Variants in PCBP3 observed in about 807,000 individuals in gnomAD.
The protein encoded by PCBP3 is poly(rC) binding protein 3, also known as poly(rC)-binding protein 3.
In PCBP3, 25 loss-of-function variants were observed where a neutral mutation model predicts 52.7. The observed-to-expected ratio is 0.47, with a 90% CI of 0.35 to 0.66. The LOEUF (loss-of-function observed/expected upper bound fraction) is 0.66. Among genes scored for constraint, PCBP3 ranks in the 30% least tolerant of loss-of-function variants. The probability of loss-of-function intolerance (pLI) is 0.01; values close to 1 mark genes in which losing one functional copy is unlikely to be tolerated. For missense variants in PCBP3, 391 were observed against 490.3 expected (o/e 0.80, Z 1.91); for synonymous variants, 162 against 183.0 (o/e 0.89, Z 0.93).
intron 13 of PCBP3, among the ~76,000 whole-genome samples, chr21:45,925,958 C>T (rs1228047615): frequency 6.6e-6 from 1 of 152,222 alleles, no homozygotes; most frequent in African/African-American, 2.4e-5. Flanking sequence ...ACGTGATTGC[C>T]GTACCTCGAA....
intron 4 of PCBP3, among the ~76,000 whole-genome samples, chr21:45,775,577 T>G (rs184862815): frequency 1.2e-3 from 182 of 152,236 alleles, no homozygotes; most frequent in Admixed American, 2.3e-3. Context: ...CCACCACTCC[T>G]GGCTAACTTT....
At chr21:45,706,365 T>C (rs563447549) in intron 2 of PCBP3, among the ~76,000 whole-genome samples, 1 of 152,286 alleles carries the variant, frequency 6.6e-6, no homozygotes, top group Non-Finnish European at 1.5e-5. Context: ...TGGCTGACGT[T>C]ACAGTATGCA....
intron 3 of PCBP3, among the ~76,000 whole-genome samples, chr21:45,747,385 A>C (rs2086996562): frequency 6.6e-6 from 1 of 152,210 alleles, no homozygotes. Flanking sequence ...TGCAAAGCCC[A>C]CCGGGCATCC....
chr21:45,681,619 G>T (rs917508893), intron 2 of PCBP3, among the ~76,000 whole-genome samples: 1 of 152,176 alleles, frequency 6.6e-6, no homozygotes, highest in South Asian at 2.1e-4. Flanking sequence ...CTGAACCATT[G>T]TAAGTCAGGG....
At chr21:45,807,290 C>T (rs1013161619) in intron 4 of PCBP3, among the ~76,000 whole-genome samples, 6 of 152,166 alleles carry the variant, frequency 3.9e-5, no homozygotes, top group African/African-American at 1.4e-4. Context: ...TAGAAAACCC[C>T]ATTATCTCAG....
At chr21:45,728,524 T>C (rs1273180619) in intron 2 of PCBP3, among the ~76,000 whole-genome samples, 2 of 152,366 alleles carry the variant, frequency 1.3e-5, no homozygotes, top group Non-Finnish European at 2.9e-5. Flanking sequence ...TGAGGAATAT[T>C]GATGTCTTTT....
chr21:45,720,931 G>A (rs2084586074), intron 2 of PCBP3, among the ~76,000 whole-genome samples: 1 of 152,256 alleles, frequency 6.6e-6, no homozygotes, highest in Non-Finnish European at 1.5e-5. Flanking sequence ...TCCAATGCCA[G>A]GATGGCCATA....
At chr21:45,820,351 C>T (rs2093095523) in intron 4 of PCBP3, among the ~76,000 whole-genome samples, 1 of 152,242 alleles carries the variant, frequency 6.6e-6, no homozygotes, top group African/African-American at 2.4e-5. Context: ...TATCTCGTCG[C>T]TTTGCTGTCT....
intron 2 of PCBP3, among the ~76,000 whole-genome samples, chr21:45,734,512 C>T (rs922539733): frequency 2.0e-5 from 3 of 152,158 alleles, no homozygotes; most frequent in Admixed American, 6.5e-5. Flanking sequence ...GCTGCAGGCC[C>T]AGCCCACCGA....
chr21:45,917,624 C>T lies in PCBP3; in HGVS notation c.712C>T (p.Pro238Ser), dbSNP rs1187944795. 2 of 1,612,346 alleles carry T rather than the reference C, an allele frequency of 1.2e-6. No homozygotes were observed. Among genetic ancestry groups the T allele is most frequent in the African/African-American group, 1.3e-5 (1 of 74,984 alleles). Residue 238 changes from proline to serine, a missense_variant, in exon 13 of 18, where the codon CCG (proline) becomes TCG (serine). Transcript: ENST00000681687. The surrounding 1 kb of genome is among the most constrained non-coding windows in gnomAD (Gnocchi z 5.3). ...CCAGGGACAGTATGCCATCCCTCAC[C>T]CGGATGTGAGTCTTCACTTTGTCTT... ...TIQGQYAIPHPDQLTKLHQLA... is the reference protein window; with the variant it reads ...TIQGQYAIPHSDQLTKLHQLA...
intron 3 of PCBP3, among the ~76,000 whole-genome samples, chr21:45,755,125 C>T (rs923564551): frequency 6.6e-6 from 1 of 152,164 alleles, no homozygotes; most frequent in Non-Finnish European, 1.5e-5. Context: ...CCTCATGACC[C>T]TTCTGAAGCC....
At chr21:45,856,094 G>A (rs954729857) in intron 5 of PCBP3, among the ~76,000 whole-genome samples, 12 of 152,098 alleles carry the variant, frequency 7.9e-5, no homozygotes, top group South Asian at 4.1e-4. Context: ...CTTTTATGGG[G>A]GAAAGTTTGC....
chr21:45,900,699 C>T (rs540126923), intron 8 of PCBP3, 76 bp downstream of exon 8: 15 of 1,081,610 alleles, frequency 1.4e-5, no homozygotes, highest in Admixed American at 5.1e-5. Flanking sequence ...CTGCCCCTGC[C>T]GACGTCCTGC....
At chr21:45,854,435 T>C (rs962350522) in intron 5 of PCBP3, among the ~76,000 whole-genome samples, 3 of 152,148 alleles carry the variant, frequency 2.0e-5, no homozygotes, top group African/African-American at 7.2e-5. Context: ...CCCCAGCCTC[T>C]GGCACCCAGG....
chr21:45,796,093 A>T (rs2091908674), intron 4 of PCBP3, among the ~76,000 whole-genome samples: 1 of 152,204 alleles, frequency 6.6e-6, no homozygotes, highest in African/African-American at 2.4e-5. Context: ...CCACCTGACG[A>T]TCCCCTCTGC....
chr21:45,939,361 G>A (rs1488487296), intron 16 of PCBP3, among the ~76,000 whole-genome samples: 3 of 152,290 alleles, frequency 2.0e-5, no homozygotes, highest in South Asian at 2.1e-4. Flanking sequence ...CATAGGCCCC[G>A]CCCTCCTCCC....
intron 3 of PCBP3, among the ~76,000 whole-genome samples, chr21:45,745,915 G>A (rs111653234): frequency 0.012 from 1,757 of 151,694 alleles, 51 homozygotes; most frequent in African/African-American, 0.039. Context: ...TGTCAGCATC[G>A]CTGTGTCAGT....
intron 2 of PCBP3, among the ~76,000 whole-genome samples, chr21:45,685,751 C>T (rs1199867113): frequency 6.6e-6 from 1 of 152,084 alleles, no homozygotes; most frequent in Non-Finnish European, 1.5e-5. Context: ...AGAGGAGATA[C>T]ATGGAAAGAC....
rs150126397 is a variant in PCBP3, at chr21:45,896,403, C to T, written c.165+41C>T. Reference sequence around the variant, plus strand: ...ATTGTCTCTGTAGGAAAGGCGGCCGCGGCAGACAGAACCAGAGATGCACTG... The same window carrying T: ...ATTGTCTCTGTAGGAAAGGCGGCCGTGGCAGACAGAACCAGAGATGCACTG... On this transcript the variant is annotated intron_variant, in intron 6 of 17. Transcript: ENST00000681687. 6.0e-4 allele frequency: 927 copies of T among 1,539,130 alleles called. 6 individuals are homozygous for T. In the African/African-American group the frequency reaches 1.0e-2, roughly 17 times the overall value.
Sources: gnomAD v4.1 joint callset for allele counts (sites outside exome capture counted in the v4.1 genomes callset) on GRCh38, gnomAD v4.1.1 for gene constraint, Gnocchi (gnomAD v3.1) non-coding constraint, MANE v1.5 for transcripts, NCBI Gene and HGNC (gene_info 2026-07-23, HGNC 2026-07-21) for gene names.